B4GALT6: variants seen among roughly 807,000 people sequenced by gnomAD.
B4GALT6 encodes the protein UDP-Gal:beta-GlcNAc beta-1,4-galactosyltransferase 6.
B4GALT6 carries 14 observed loss-of-function variants against 46.3 expected under a neutral mutation model. That is an observed-to-expected ratio of 0.30 (90% CI 0.20 to 0.47). The LOEUF (loss-of-function observed/expected upper bound fraction) is 0.47, where lower values mean the gene tolerates loss of function less well. B4GALT6 is among the 20% of genes least tolerant of loss of function. B4GALT6 has a pLI of 0.99. For missense variants in B4GALT6, 386 were observed against 480.1 expected (o/e 0.80, Z 1.83); for synonymous variants, 168 against 162.0 (o/e 1.04, Z -0.28).
the B4GALT6 span, among the ~76,000 whole-genome samples, chr18:31,711,091 A>G: frequency 1.3e-5 from 2 of 152,276 alleles, no homozygotes; most frequent in Middle Eastern, 3.4e-3. Flanking sequence ...GCTGCAATGC[A>G]TGTTTTTCAC....
chr18:31,678,766 G>C (rs575814763), intron 1 of B4GALT6, among the ~76,000 whole-genome samples: 15 of 152,318 alleles, frequency 9.8e-5, no homozygotes, highest in Admixed American at 2.6e-4. Flanking sequence ...TCATAGCTCT[G>C]GCTCCAGAAA....
chr18:31,670,792 C>A (rs1254921310), intron 1 of B4GALT6, among the ~76,000 whole-genome samples: 2 of 152,096 alleles, frequency 1.3e-5, no homozygotes, highest in Non-Finnish European at 2.9e-5. Flanking sequence ...TTCTGGGGTA[C>A]ATGTGCAGAA....
Position 31,623,921 on chromosome 18 carries a change from G to A in B4GALT6, c.*1693C>T, listed in dbSNP as rs909886515. On this transcript the variant is annotated 3_prime_UTR_variant, in exon 9 of 9. Coordinates refer to ENST00000306851, the MANE Select transcript of B4GALT6 (RefSeq NM_004775.5). ...TCCTTGAGGCAAATATTATCCAAAC[G>A]TTTCTCATATATAGATTTCTATTGC... 5.9e-5 allele frequency: 9 copies of A among 151,846 alleles called. No individual in the cohort carries two copies. The highest frequency in any genetic ancestry group is 2.1e-4 in the South Asian group (1 of 4,824). 9.4% of individuals were successfully genotyped at this position (151,846 alleles called of 1,614,324 possible).
At chr18:31,710,705 T>C in the B4GALT6 span, among the ~76,000 whole-genome samples, 1 of 152,122 alleles carries the variant, frequency 6.6e-6, no homozygotes, top group Non-Finnish European at 1.5e-5. Flanking sequence ...ATTTCTGTTT[T>C]AAACCATCCA....
intron 5 of B4GALT6, among the ~76,000 whole-genome samples, chr18:31,636,056 C>T (rs2073854339): frequency 6.6e-6 from 1 of 152,110 alleles, no homozygotes; most frequent in Admixed American, 6.5e-5. Context: ...AACAAAGATG[C>T]TAAAGCAATT....
At chr18:31,648,942 T>C (rs1308684639) in intron 3 of B4GALT6, among the ~76,000 whole-genome samples, 3 of 152,228 alleles carry the variant, frequency 2.0e-5, no homozygotes, top group Admixed American at 6.5e-5. Context: ...TTTTGTCTGT[T>C]TTACCCTCAG....
At chr18:31,645,266 G>A in intron 4 of B4GALT6, 89 bp downstream of exon 4, 1 of 1,522,142 alleles carries the variant, frequency 6.6e-7, no homozygotes. Context: ...AAGACTTAAA[G>A]ACATTTGTCT....
At chr18:31,712,294 T>C in the B4GALT6 span, among the ~76,000 whole-genome samples, 2 of 26,624 alleles carry the variant, frequency 7.5e-5, no homozygotes, top group African/African-American at 1.4e-4. Context: ...GTTATTTTTT[T>C]TTTTTTTTTT....
At chr18:31,658,943 T>C (rs906617486) in intron 2 of B4GALT6, among the ~76,000 whole-genome samples, 2 of 152,124 alleles carry the variant, frequency 1.3e-5, no homozygotes, top group East Asian at 3.9e-4. Context: ...GATTTTTGAA[T>C]GTGGAACCAG....
chr18:31,655,470 C>T (rs949070710), intron 3 of B4GALT6, among the ~76,000 whole-genome samples: 3 of 152,142 alleles, frequency 2.0e-5, no homozygotes, highest in African/African-American at 2.4e-5. Flanking sequence ...GACCCCTCCC[C>T]ACCCCCAGTG....
chr18:31,679,400 C>T (rs1181288884), intron 1 of B4GALT6, among the ~76,000 whole-genome samples: 1 of 152,218 alleles, frequency 6.6e-6, no homozygotes, highest in East Asian at 1.9e-4. Flanking sequence ...ACTGTGGAAA[C>T]AATCTCTAAC....
At chr18:31,711,530 G>A in the B4GALT6 span, among the ~76,000 whole-genome samples, 2 of 152,060 alleles carry the variant, frequency 1.3e-5, no homozygotes, top group Admixed American at 6.6e-5. Flanking sequence ...CTGTTCCTGC[G>A]TTAGTTTGCT....
chr18:31,702,189 A>G, the B4GALT6 span, among the ~76,000 whole-genome samples: 24 of 152,244 alleles, frequency 1.6e-4, no homozygotes, highest in African/African-American at 5.8e-4. Flanking sequence ...GGTAGTATAG[A>G]CTAATACAGA....
At chr18:31,627,914 G>A (rs1250145445) in intron 6 of B4GALT6, among the ~76,000 whole-genome samples, 1 of 152,190 alleles carries the variant, frequency 6.6e-6, no homozygotes, top group Non-Finnish European at 1.5e-5. Flanking sequence ...ACGCCCCTGG[G>A]GAGCAGATGC....
At chr18:31,653,853 A>C (rs1188724402) in intron 3 of B4GALT6, among the ~76,000 whole-genome samples, 1 of 152,086 alleles carries the variant, frequency 6.6e-6, no homozygotes, top group Non-Finnish European at 1.5e-5. Flanking sequence ...TTCTATGAAC[A>C]ACACAGGGAC....
intron 3 of B4GALT6, among the ~76,000 whole-genome samples, chr18:31,651,387 A>T (rs1395180748): frequency 6.6e-6 from 1 of 151,742 alleles, no homozygotes; most frequent in East Asian, 1.9e-4. Context: ...TTGTATTGTG[A>T]CTCCACCAGG....
chr18:31,666,635 T>C (rs557860425), intron 1 of B4GALT6, among the ~76,000 whole-genome samples: 2 of 152,308 alleles, frequency 1.3e-5, no homozygotes, highest in South Asian at 4.1e-4. Context: ...TAAAATATTA[T>C]AATGAACCCC....
At chr18:31,685,937 G>A (rs1238106959), upstream of B4GALT6, 1 of 152,130 alleles carries the variant, frequency 6.6e-6, no homozygotes, top group Non-Finnish European at 1.5e-5. Context: ...GTGAACCCTG[G>A]GTCATCCTCG....
At chr18:31,662,064 T>C (rs1243517761) in intron 2 of B4GALT6, among the ~76,000 whole-genome samples, 1 of 152,220 alleles carries the variant, frequency 6.6e-6, no homozygotes, top group African/African-American at 2.4e-5. Flanking sequence ...GGGAGTCAGA[T>C]GGCAACAGGA....
Sources: allele counts gnomAD v4.1 joint callset (sites outside exome capture counted in the v4.1 genomes callset), GRCh38; gene constraint gnomAD v4.1.1; transcripts MANE v1.5; gene names NCBI Gene and HGNC (gene_info 2026-07-23, HGNC 2026-07-21).